The following SLC9A1 variants were observed in gnomAD, a reference collection of about 807,000 sequenced individuals.
The protein encoded by SLC9A1 is solute carrier family 9 member A1, also known as sodium/hydrogen exchanger 1.
A neutral mutation model predicts 67.9 loss-of-function variants in SLC9A1; 22 were observed. The observed-to-expected ratio is 0.32, with a 90% confidence interval of 0.23 to 0.46. The LOEUF (loss-of-function observed/expected upper bound fraction) is 0.46, where lower values mean the gene tolerates loss of function less well. SLC9A1 is among the 20% of genes least tolerant of loss of function. The pLI is 1.00. For synonymous variants in SLC9A1, 421 were observed against 471.8 expected (o/e 0.89, Z 1.40); for missense variants, 686 against 1,094.8 (o/e 0.63, Z 5.27).
chr1:27,107,121 AGG>A (rs2083190640), intron 4 of SLC9A1, among the ~76,000 whole-genome samples: 1 of 95,348 alleles, frequency 1.0e-5, no homozygotes, highest in Non-Finnish European at 2.2e-5. Flanking sequence ...ACACACACCC[AGG>A]CCCTCTACAC....
intron 1 of SLC9A1, among the ~76,000 whole-genome samples, chr1:27,115,338 G>A (rs2083257427): frequency 6.6e-6 from 1 of 152,186 alleles, no homozygotes; most frequent in Admixed American, 6.5e-5. Context: ...TCCCCGTTGA[G>A]AGGGCCTCTC....
chr1:27,139,779 G>T (rs747342976), intron 1 of SLC9A1, among the ~76,000 whole-genome samples: 1 of 151,742 alleles, frequency 6.6e-6, no homozygotes, highest in African/African-American at 2.4e-5. Flanking sequence ...CCCTCTATGT[G>T]AGCTAAGCAC....
Position 27,113,834 on chromosome 1 carries a change from C to T in SLC9A1, c.805G>A (p.Val269Ile), listed in dbSNP as rs1006386569. 22 of 1,611,018 alleles carry T rather than the reference C, an allele frequency of 1.4e-5. No individual in the cohort carries two copies. The highest frequency in any genetic ancestry group is 1.6e-4 in the Middle Eastern group (1 of 6,074). Reference sequence around the variant, plus strand: ...GCCCCTGGCCTCCTCACCACAGTGACGGCGTCATTGAGCAAGGACTCCCCA... The same window carrying T: ...GCCCCTGGCCTCCTCACCACAGTGATGGCGTCATTGAGCAAGGACTCCCCA... ...VFGESLLNDAVTVVLYHLFEE... is the reference protein window; with the variant it reads ...VFGESLLNDAITVVLYHLFEE... The change falls in exon 2 of 12, where the codon GTC becomes ATC. Residue 269 changes from valine (V) to isoleucine (I), a missense_variant. Around this residue, in one of 7 missense-constraint regions of SLC9A1, gnomAD observed 13 missense variants for 56.6 expected, o/e 0.23. Transcript: ENST00000263980.
chr1:27,153,271 C>T (rs1255753502), intron 1 of SLC9A1, among the ~76,000 whole-genome samples: 1 of 152,114 alleles, frequency 6.6e-6, no homozygotes, highest in East Asian at 1.9e-4. Flanking sequence ...CCTCAACCTC[C>T]TCTACTCTCC....
Position 27,098,962 on chromosome 1 carries a change from G to A in SLC9A1, c.*1345C>T, listed in dbSNP as rs1434192228. On this transcript the variant is annotated 3_prime_UTR_variant, in exon 12 of 12. Transcript: ENST00000263980. Reference sequence around the variant, plus strand: ...CCTGCCCAAACAGCACTTGCATGGAGAGGAGGATGGACAGATGGGCCGAGG... The same window carrying A: ...CCTGCCCAAACAGCACTTGCATGGAAAGGAGGATGGACAGATGGGCCGAGG... 6.5e-6 allele frequency: 1 copy of A among 152,732 alleles called. No homozygotes were observed. The highest frequency in any genetic ancestry group is 1.5e-5 in the Non-Finnish European group (1 of 68,104). The allele number at this position is 152,732 out of a possible 1,614,324, so 9.5% of individuals were successfully genotyped here. A position where few individuals can be genotyped will look rare whatever the true frequency, so the allele number is the denominator to read the frequency against.
intron 1 of SLC9A1, among the ~76,000 whole-genome samples, chr1:27,146,102 G>A (rs564430720): frequency 2.0e-5 from 3 of 152,152 alleles, no homozygotes; most frequent in African/African-American, 7.2e-5. Context: ...CAGGGGGAGC[G>A]AGTGCTGCAA....
intron 1 of SLC9A1, among the ~76,000 whole-genome samples, chr1:27,144,655 C>T (rs761209837): frequency 3.3e-5 from 5 of 152,202 alleles, no homozygotes; most frequent in Non-Finnish European, 7.3e-5. Flanking sequence ...ATCACATATT[C>T]ATTCATGTAT....
At chr1:27,107,975 C>G in intron 3 of SLC9A1, 110 bp from the exon 4 acceptor site, 1 of 754,584 alleles carries the variant, frequency 1.3e-6, no homozygotes, top group Non-Finnish European at 2.3e-6. Context: ...GTCCCAAGCT[C>G]CTCTATGGGC....
intron 1 of SLC9A1, among the ~76,000 whole-genome samples, chr1:27,116,788 T>A (rs1490682261): frequency 5.3e-5 from 8 of 152,130 alleles, no homozygotes; most frequent in Non-Finnish European, 1.0e-4. Flanking sequence ...TCTTGCCTCA[T>A]GTCCCATTCT....
intron 1 of SLC9A1, among the ~76,000 whole-genome samples, chr1:27,116,379 C>T: frequency 6.6e-6 from 1 of 151,748 alleles, no homozygotes; most frequent in African/African-American, 2.4e-5. Flanking sequence ...AGCAAGACTC[C>T]ATCTTGAAAA....
At chr1:27,107,579 C>T in intron 4 of SLC9A1, 69 bp downstream of exon 4, 1 of 1,214,394 alleles carries the variant, frequency 8.2e-7, no homozygotes, top group Non-Finnish European at 1.2e-6. Flanking sequence ...ACACACAGCA[C>T]CACAGCCCAC....
intron 1 of SLC9A1, among the ~76,000 whole-genome samples, chr1:27,150,899 A>C (rs1330874070): frequency 6.6e-6 from 1 of 152,212 alleles, no homozygotes; most frequent in Non-Finnish European, 1.5e-5. Context: ...CAGCTGCCAT[A>C]GATGACAGAA....
In SLC9A1 at chr1:27,098,856, T is replaced by C. The variant is rs2083116165; in HGVS notation, c.*1451A>G. ...TTATTAGAATATGAAAAAGATTCAG[T>C]TTCTTCTGTACAGGCAGCAGAGTGG... On this transcript the variant is annotated 3_prime_UTR_variant, in exon 12 of 12. Transcript: ENST00000263980. 1 of 152,496 alleles carries C rather than the reference T, an allele frequency of 6.6e-6. No homozygotes were observed. Among genetic ancestry groups the C allele is most frequent in the Non-Finnish European group, 1.5e-5 (1 of 68,038 alleles). The allele number at this position is 152,496 out of a possible 1,614,324, so 9.4% of individuals were successfully genotyped here.
Position 27,114,177 on chromosome 1 carries a change from G to A in SLC9A1, c.462C>T (p.Pro154=), listed in dbSNP as rs2124155564. 1 of 1,614,122 alleles carries A rather than the reference G, an allele frequency of 6.2e-7. No individual in the cohort carries two copies. The highest frequency in any genetic ancestry group is 2.2e-5 in the East Asian group (1 of 44,886). The change falls in exon 2 of 12, where the codon CCC becomes CCT. Residue 154 remains proline, a synonymous_variant. Transcript: ENST00000263980. This position sits in a 1 kb window ranked among gnomAD's most constrained non-coding sequence, Gnocchi z 5.4. ...GGAAGAAGACGTCGGACTGCAGGAA[G>A]GGGGGTGTCTCGCCTACACCCTTGA... is the stretch of plus-strand genomic sequence containing the variant. ...GLIKGVGETP[P]FLQSDVFFLF...
intron 8 of SLC9A1, 92 bp from the exon 9 acceptor site, chr1:27,102,222 C>T (rs2083151454): frequency 2.9e-5 from 39 of 1,345,786 alleles, no homozygotes; most frequent in Non-Finnish European, 3.9e-5. Context: ...CTAGGGATGA[C>T]CCAGGTGGGC....
At position 27,141,641 on chromosome 1, in the gene SLC9A1, G is replaced by A. The variant is rs144583949; in HGVS notation, c.352+12342C>T. Among the ~76,000 whole-genome samples the A allele has an allele frequency of 1.4e-3, 208 of 152,288 alleles. 1 individual carries two copies. Among genetic ancestry groups the A allele is most frequent in the African/African-American group, 4.7e-3 (197 of 41,550 alleles). The stretch of plus-strand genomic sequence containing the variant: ...TACCGCATTTCTCAAACAAGTCGTT[G>A]AGCTTGGTAAAAGAAGCAGTTCTCA... On this transcript the variant is annotated intron_variant, in intron 1 of 11. Transcript: ENST00000263980.
In SLC9A1 at chr1:27,114,221, G is replaced by A. The variant is rs2083250710; in HGVS notation, c.418C>T (p.Leu140=). 6.2e-7 allele frequency: 1 copy of A among 1,614,016 alleles called. No homozygotes were observed. Among genetic ancestry groups the A allele is most frequent in the South Asian group, 1.1e-5 (1 of 91,080 alleles). The change falls in exon 2 of 12, where the codon CTG becomes TTG. Residue 140 remains leucine, a synonymous_variant. Transcript: ENST00000263980. The surrounding 1 kb of genome is among the most constrained non-coding windows in gnomAD (Gnocchi z 5.4). The part of the protein sequence containing the change: ...PESCLLIVVG[L]LVGGLIKGVG... Reference sequence around the variant, plus strand: ...CCCTTGATCAGGCCCCCCACCAGCAGCCCCACCACGATCAGCAGGCAGCTC... The same window carrying A: ...CCCTTGATCAGGCCCCCCACCAGCAACCCCACCACGATCAGCAGGCAGCTC...
intron 1 of SLC9A1, among the ~76,000 whole-genome samples, chr1:27,131,947 A>AAAAAAAAAAAAAAATATAT: frequency 1.9e-5 from 1 of 52,122 alleles, no homozygotes; most frequent in African/African-American, 6.4e-5. Context: ...AGAAAAAAAA[A>AAAAAAAAAAAAAAATATAT]ATATATATAT....
At position 27,118,559 on chromosome 1, in the gene SLC9A1, C is replaced by T. The variant is rs567578548; in HGVS notation, c.353-4273G>A. 3.9e-5 allele frequency among the ~76,000 whole-genome samples: 6 copies of T among 152,178 alleles called. No individual in the cohort carries two copies. The highest frequency in any genetic ancestry group is 1.9e-4 in the East Asian group (1 of 5,180). On this transcript the variant is annotated intron_variant, in intron 1 of 11. Transcript: ENST00000263980. This position sits in a 1 kb window ranked among gnomAD's most constrained non-coding sequence, Gnocchi z 4.3. Reference sequence around the variant, plus strand: ...TGAAAGGGGCACAGAAGGATGGCTGCGGCCCCTGGTACCCTGACAAAAGCC... The same window carrying T: ...TGAAAGGGGCACAGAAGGATGGCTGTGGCCCCTGGTACCCTGACAAAAGCC...
Sources: gnomAD v4.1 joint callset for allele counts (sites outside exome capture counted in the v4.1 genomes callset) on GRCh38, gnomAD v4.1.1 for gene constraint, gnomAD v4.1.1 regional missense constraint, Gnocchi (gnomAD v3.1) non-coding constraint, MANE v1.5 for transcripts, NCBI Gene and HGNC (gene_info 2026-07-23, HGNC 2026-07-21) for gene names.